The following HACD2 variants were observed in gnomAD, a reference collection of about 807,000 sequenced individuals.
HACD2 encodes the protein 3-hydroxyacyl-CoA dehydratase 2.
In HACD2, 15 loss-of-function variants were observed where a neutral mutation model predicts 31.0. The ratio of observed to expected loss-of-function variants is 0.48; its 90% CI spans 0.32 to 0.75. The LOEUF (loss-of-function observed/expected upper bound fraction) is 0.75, where lower values mean the gene tolerates loss of function less well. HACD2 is among the 30% of genes least tolerant of loss of function. The pLI, the probability that HACD2 is intolerant of heterozygous loss-of-function variation, is 0.03. For missense variants in HACD2, 283 were observed against 313.0 expected (o/e 0.90, Z 0.72); for synonymous variants, 115 against 122.2 (o/e 0.94, Z 0.39).
intron 6 of HACD2, 51 bp downstream of exon 6, chr3:123,500,464 T>C: frequency 4.8e-6 from 6 of 1,250,194 alleles, no homozygotes; most frequent in Non-Finnish European, 6.8e-6. Context: ...TTAGTTATTG[T>C]AGAGCCAAAT....
chr3:123,494,755 T>G lies in HACD2; in HGVS notation c.*133A>C. 1 of 702,112 alleles carries G rather than the reference T, an allele frequency of 1.4e-6. No individual in the cohort carries two copies. Among genetic ancestry groups the G allele is most frequent in the Non-Finnish European group, 2.4e-6 (1 of 408,456 alleles). 43.5% of individuals were successfully genotyped at this position (702,112 alleles called of 1,614,324 possible). On this transcript the variant is annotated 3_prime_UTR_variant, in exon 7 of 7. Coordinates refer to ENST00000383657, the MANE Select transcript of HACD2 (RefSeq NM_198402.5). ...AGGCCCATGTGACACTGGATTTTTG[T>G]TTTAGTTTTGTTTGAATATTTTAAA...
intron 4 of HACD2, among the ~76,000 whole-genome samples, chr3:123,511,721 C>G (rs1308365028): frequency 6.6e-6 from 1 of 152,160 alleles, no homozygotes. Flanking sequence ...GAAACAAACC[C>G]TAACGAATTA....
At chr3:123,518,786 A>G (rs1030997030) in intron 4 of HACD2, among the ~76,000 whole-genome samples, 2 of 152,174 alleles carry the variant, frequency 1.3e-5, no homozygotes, top group Non-Finnish European at 2.9e-5. Context: ...TCACAAGGTC[A>G]GGAGTTCAAG....
At chr3:123,499,229 A>G (rs1425019854) in intron 6 of HACD2, 1 of 166,796 alleles carries the variant, frequency 6.0e-6, no homozygotes. Context: ...GCAACTGTGA[A>G]CTGCTGCTCT....
intron 2 of HACD2, 103 bp from the exon 3 acceptor site, chr3:123,567,883 G>A (rs1240753126): frequency 1.6e-6 from 1 of 616,820 alleles, no homozygotes; most frequent in Non-Finnish European, 2.6e-6. Flanking sequence ...AGCAGCGTCT[G>A]CCAGCAGTAT....
chr3:123,537,557 C>G (rs922677740), intron 3 of HACD2, among the ~76,000 whole-genome samples: 2 of 147,638 alleles, frequency 1.4e-5, no homozygotes, highest in Non-Finnish European at 3.0e-5. Flanking sequence ...CAGTGAGACC[C>G]TATCTCAAAA....
chr3:123,550,964 G>T (rs1360805494), intron 3 of HACD2, among the ~76,000 whole-genome samples: 1 of 152,180 alleles, frequency 6.6e-6, no homozygotes. Flanking sequence ...CTAAGGTGCA[G>T]GATGAGAGCT....
intron 5 of HACD2, among the ~76,000 whole-genome samples, chr3:123,501,213 T>C (rs2055898271): frequency 6.6e-6 from 1 of 152,206 alleles, no homozygotes. Context: ...AAAAATCAAA[T>C]ATATACAATT....
intron 3 of HACD2, among the ~76,000 whole-genome samples, chr3:123,554,665 A>G (rs918141652): frequency 9.9e-5 from 15 of 152,200 alleles, no homozygotes; most frequent in African/African-American, 2.7e-4. Flanking sequence ...CTCACCTATT[A>G]TATGAAAGAT....
At chr3:123,542,554 A>T (rs1241286394) in intron 3 of HACD2, among the ~76,000 whole-genome samples, 1 of 152,282 alleles carries the variant, frequency 6.6e-6, no homozygotes, top group Non-Finnish European at 1.5e-5. Context: ...GCATAAGCCA[A>T]AGACTAAAAC....
chr3:123,570,206 T>C (rs192248081), intron 2 of HACD2, among the ~76,000 whole-genome samples: 10 of 152,108 alleles, frequency 6.6e-5, no homozygotes, highest in African/African-American at 1.9e-4. Flanking sequence ...AAGAAATTCA[T>C]AGATAAAATG....
At chr3:123,580,381 T>G (rs550957528) in intron 2 of HACD2, among the ~76,000 whole-genome samples, 12 of 151,398 alleles carry the variant, frequency 7.9e-5, no homozygotes, top group African/African-American at 2.4e-4. Flanking sequence ...GAGGATGAGG[T>G]GGGAGGATGG....
intron 4 of HACD2, among the ~76,000 whole-genome samples, chr3:123,509,515 T>G (rs1413124310): frequency 6.8e-6 from 1 of 146,590 alleles, no homozygotes; most frequent in African/African-American, 2.5e-5. Flanking sequence ...TTTTTTTTTT[T>G]TGAGATGGAG....
At chr3:123,522,749 T>TA (rs1447295553) in intron 4 of HACD2, among the ~76,000 whole-genome samples, 1 of 151,670 alleles carries the variant, frequency 6.6e-6, no homozygotes, top group Non-Finnish European at 1.5e-5. Context: ...AAATAGAAAG[T>TA]AACCAAATGG....
chr3:123,518,995 TAAAAA>T (rs67571643), intron 4 of HACD2, among the ~76,000 whole-genome samples: 2 of 42,482 alleles, frequency 4.7e-5, no homozygotes, highest in Non-Finnish European at 9.7e-5. Flanking sequence ...AGACTCCAAC[TAAAAA>T]AAAAAAAAAA....
chr3:123,532,833 CAAAAAAAAAAAAA>C (rs35001570), intron 3 of HACD2, among the ~76,000 whole-genome samples: 1 of 71,360 alleles, frequency 1.4e-5, no homozygotes, highest in Non-Finnish European at 2.3e-5. Flanking sequence ...GACTCCGTCT[CAAAAAAAAAAAAA>C]AAAAAAAAAA....
At chr3:123,526,560 T>C (rs1391663439) in intron 4 of HACD2, among the ~76,000 whole-genome samples, 1 of 149,692 alleles carries the variant, frequency 6.7e-6, no homozygotes. Flanking sequence ...GTAAAGAAAA[T>C]GATATGTTAA....
chr3:123,523,980 T>C (rs887727867), intron 4 of HACD2, among the ~76,000 whole-genome samples: 1 of 152,240 alleles, frequency 6.6e-6, no homozygotes, highest in African/African-American at 2.4e-5. Flanking sequence ...GCAAAGACGC[T>C]GGATTTTGGA....
chr3:123,510,333 C>T lies in HACD2; in HGVS notation c.382-7652G>A, dbSNP rs143000404. On this transcript the variant is annotated intron_variant, in intron 4 of 6. Coordinates refer to ENST00000383657, the MANE Select transcript of HACD2 (RefSeq NM_198402.5). ...TCCAATCTCGGCTCACTGAAACCTC[C>T]ACCTCCCGGGTTCAAGTGATTCTCC... is the stretch of plus-strand genomic sequence containing the variant. Among the ~76,000 whole-genome samples, 641 of 152,354 alleles carry T rather than the reference C, an allele frequency of 4.2e-3. 3 individuals carry two copies. Among genetic ancestry groups the T allele is most frequent in the African/African-American group, 0.015 (608 of 41,584 alleles).
Sources: allele counts gnomAD v4.1 joint callset (sites outside exome capture counted in the v4.1 genomes callset), GRCh38; gene constraint gnomAD v4.1.1; transcripts MANE v1.5; gene names NCBI Gene and HGNC (gene_info 2026-07-23, HGNC 2026-07-21).